The following EXD3 variants were observed in gnomAD, a reference collection of about 807,000 sequenced individuals.
EXD3 encodes exonuclease 3'-5' domain containing 3.
In EXD3, 92 loss-of-function variants were observed where a neutral mutation model predicts 98.0. The ratio of observed to expected loss-of-function variants is 0.94; its 90% confidence interval spans 0.79 to 1.12. The LOEUF is 1.12. EXD3 is among the 50% of genes most tolerant of loss of function. The pLI is 0.00. For synonymous variants in EXD3, 569 were observed against 526.0 expected (o/e 1.08, Z -1.12); for missense variants, 1,222 against 1,191.6 (o/e 1.03, Z -0.38).
At chr9:137,342,893 A>G (rs1179452132) in intron 17 of EXD3, among the ~76,000 whole-genome samples, 3 of 152,222 alleles carry the variant, frequency 2.0e-5, no homozygotes, top group Non-Finnish European at 4.4e-5. Context: ...AGGCCGAGGC[A>G]GGTGGATTAC....
Position 137,324,457 on chromosome 9 carries a change from A to G in EXD3, c.1999-314T>C, listed in dbSNP as rs574563191. 3.3e-5 allele frequency among the ~76,000 whole-genome samples: 5 copies of G among 152,342 alleles called. No homozygotes were observed. The South Asian group carries it at 1.0e-3, about 32-fold the overall frequency. On this transcript the variant is annotated intron_variant, in intron 17 of 21. Coordinates refer to ENST00000340951, the MANE Select transcript of EXD3 (RefSeq NM_017820.5). The surrounding 1 kb of genome is among the most constrained non-coding windows in gnomAD (Gnocchi z 4.1). ...AAATACATAAAACATACACAGAAGT[A>G]TTCCAAGAGACTCTGTAGAGATTTG... is the stretch of plus-strand genomic sequence containing the variant.
At chr9:137,311,824 GCTGGACCGA>G (rs1831375792) in intron 19 of EXD3, among the ~76,000 whole-genome samples, 1 of 152,188 alleles carries the variant, frequency 6.6e-6, no homozygotes, top group Non-Finnish European at 1.5e-5. Flanking sequence ...GGCAGCCCTT[GCTGGACCGA>G]CTGCCCTGGG....
intron 5 of EXD3, among the ~76,000 whole-genome samples, chr9:137,369,560 A>G (rs1163599217): frequency 6.6e-6 from 1 of 152,176 alleles, no homozygotes; most frequent in Admixed American, 6.5e-5. Flanking sequence ...GGCTGGGGAC[A>G]CAGCAAGGGG....
At chr9:137,373,791 C>T (rs893775065) in intron 3 of EXD3, among the ~76,000 whole-genome samples, 192 bp from the exon 4 acceptor site, 1 of 152,238 alleles carries the variant, frequency 6.6e-6, no homozygotes, top group East Asian at 1.9e-4. Context: ...CCCCCAGGGG[C>T]GGTGGTCATT....
chr9:137,317,505 G>T (rs1831749942), intron 19 of EXD3, among the ~76,000 whole-genome samples: 2 of 152,094 alleles, frequency 1.3e-5, no homozygotes, highest in Admixed American at 6.5e-5. Context: ...GTGGGTCCAG[G>T]TCCTCCATCC....
intron 7 of EXD3, among the ~76,000 whole-genome samples, chr9:137,356,886 C>T (rs11507679): frequency 0.011 from 1,674 of 152,292 alleles, 30 homozygotes; most frequent in African/African-American, 0.038. Context: ...GACTGACACC[C>T]CCATGCCCTG....
At position 137,354,093 on chromosome 9, in the gene EXD3, C is replaced by T. The variant is rs552943483; in HGVS notation, c.870+246G>A. The T allele has an allele frequency of 3.1e-4, 390 of 1,257,428 alleles. 8 individuals are homozygous for T. Among genetic ancestry groups the T allele is most frequent in the East Asian group, 9.5e-4 (30 of 31,542 alleles). 77.9% of individuals were successfully genotyped at this position (1,257,428 alleles called of 1,614,324 possible). On this transcript the variant is annotated intron_variant, in intron 10 of 21. Transcript: ENST00000340951. ...GCTGGGTTGGTTCGGGTGGCACGGA[C>T]GCTGCCGTCTGCCTGGAACGAGGCC...
At chr9:137,419,020 G>A (rs1838377458) in intron 1 of EXD3, among the ~76,000 whole-genome samples, 1 of 152,006 alleles carries the variant, frequency 6.6e-6, no homozygotes, top group Non-Finnish European at 1.5e-5. Flanking sequence ...AACATTAAGG[G>A]TTTTTTTCAC....
intron 12 of EXD3, among the ~76,000 whole-genome samples, 174 bp downstream of exon 12, chr9:137,351,892 G>C (rs1400289752): frequency 6.6e-6 from 1 of 152,226 alleles, no homozygotes; most frequent in African/African-American, 2.4e-5. Context: ...CAGCATCCTG[G>C]AGTCTCAGCA....
At chr9:137,381,924 G>A (rs1022356868) in intron 3 of EXD3, among the ~76,000 whole-genome samples, 4 of 152,142 alleles carry the variant, frequency 2.6e-5, no homozygotes, top group Non-Finnish European at 4.4e-5. Context: ...ATGGAGGCGC[G>A]AGGAGGAGGT....
chr9:137,307,878 A>C (rs1275183338), intron 20 of EXD3, among the ~76,000 whole-genome samples: 1 of 152,000 alleles, frequency 6.6e-6, no homozygotes, highest in South Asian at 2.1e-4. Flanking sequence ...TTGGGGCTCA[A>C]AGGTCCCTGG....
At chr9:137,337,947 C>T (rs1372310694) in intron 17 of EXD3, among the ~76,000 whole-genome samples, 1 of 151,934 alleles carries the variant, frequency 6.6e-6, no homozygotes, top group Non-Finnish European at 1.5e-5. Flanking sequence ...ACCACCATGC[C>T]CAGCTAATTT....
chr9:137,348,194 A>C lies in EXD3; in HGVS notation c.1875T>G (p.Ile625Met). 1 of 1,611,776 alleles carries C rather than the reference A, an allele frequency of 6.2e-7. No homozygotes were observed. Among genetic ancestry groups the C allele is most frequent in the Non-Finnish European group, 8.5e-7 (1 of 1,179,662 alleles). The stretch of plus-strand genomic sequence containing the variant: ...ACACCACACGGAAGGCCCTGGCCGG[A>C]ATCTGAGGGGCAGCGCCCTCAGACA... ...VAVSEGAAPQIPARAFRVVCD... is the reference protein window; with the variant it reads ...VAVSEGAAPQMPARAFRVVCD... Residue 625 changes from isoleucine (I) to methionine (M), a missense_variant, in exon 17 of 22, where the codon ATT (isoleucine) becomes ATG (methionine). Transcript: ENST00000340951.
rs1837175390 is a variant in EXD3 at position 137,395,561 on chromosome 9, T to C, written c.-47-157A>G. 6.6e-6 allele frequency among the ~76,000 whole-genome samples: 1 copy of C among 150,902 alleles called. No homozygotes were observed. The highest frequency in any genetic ancestry group is 6.6e-5 in the Admixed American group (1 of 15,206). ...CTGAGCATAGCGGGCAGCTCCACAC[T>C]CCTCTCCCAGCTGGGGTGACGGCTG... On this transcript the variant is annotated intron_variant, in intron 1 of 21. Coordinates refer to ENST00000340951, the MANE Select transcript of EXD3 (RefSeq NM_017820.5). This position sits in a 1 kb window ranked among gnomAD's most constrained non-coding sequence, Gnocchi z 6.5.
Position 137,351,154 on chromosome 9 carries a change from G to T in EXD3, c.1385-7C>A, listed in dbSNP as rs1323044588. 2 of 1,566,462 alleles carry T rather than the reference G, an allele frequency of 1.3e-6. No individual in the cohort carries two copies. The highest frequency in any genetic ancestry group is 2.7e-5 in the African/African-American group (2 of 73,652). On this transcript the variant is annotated splice_polypyrimidine_tract_variant and splice_region_variant and intron_variant, in intron 13 of 21. Transcript: ENST00000340951. ...TCCCCCACCATCCCGTAGCCTGTGGGCAGGAACCATCGTGGGAGGGGCGCC... is the reference window on the plus strand; with the variant it reads ...TCCCCCACCATCCCGTAGCCTGTGGTCAGGAACCATCGTGGGAGGGGCGCC...
At chr9:137,327,186 T>G (rs1263322180) in intron 17 of EXD3, among the ~76,000 whole-genome samples, 1 of 148,608 alleles carries the variant, frequency 6.7e-6, no homozygotes, top group Non-Finnish European at 1.5e-5. Flanking sequence ...CAGGCTGGAG[T>G]GCAGTGGCAC....
intron 8 of EXD3, among the ~76,000 whole-genome samples, chr9:137,355,716 G>GAGGAAGT (rs1834735587): frequency 1.3e-5 from 2 of 150,846 alleles, no homozygotes; most frequent in African/African-American, 2.5e-5. Context: ...AAGGAGGAAG[G>GAGGAAGT]AGGAAGGAGG....
chr9:137,332,652 G>A (rs557509491), intron 17 of EXD3, among the ~76,000 whole-genome samples: 165 of 151,822 alleles, frequency 1.1e-3, no homozygotes, highest in Middle Eastern at 6.8e-3. Context: ...GACCATCCTG[G>A]CTAAAACAGT....
intron 7 of EXD3, among the ~76,000 whole-genome samples, chr9:137,358,928 C>T (rs1252518724): frequency 1.3e-5 from 2 of 151,334 alleles, no homozygotes; most frequent in Non-Finnish European, 2.9e-5. Flanking sequence ...TTAAGCGATC[C>T]TCCCACTGCA....
Sources: gnomAD v4.1 joint callset for allele counts (sites outside exome capture counted in the v4.1 genomes callset) on GRCh38, gnomAD v4.1.1 for gene constraint, Gnocchi (gnomAD v3.1) non-coding constraint, MANE v1.5 for transcripts, NCBI Gene and HGNC (gene_info 2026-07-23, HGNC 2026-07-21) for gene names.